The following WDR27 variants were observed in gnomAD, a reference collection of about 807,000 sequenced individuals.
WDR27 encodes the protein WD repeat-containing protein 27.
A neutral mutation model predicts 114.4 loss-of-function variants in WDR27; 100 were observed. That is an observed-to-expected ratio of 0.87 (90% CI 0.74 to 1.03). The LOEUF (loss-of-function observed/expected upper bound fraction) is 1.03. Ranked by LOEUF, WDR27 falls within the 50% of genes least tolerant of loss-of-function variation. The pLI is 0.00. For missense variants in WDR27, 1,129 were observed against 1,092.9 expected (o/e 1.03, Z -0.47); for synonymous variants, 449 against 423.1 (o/e 1.06, Z -0.75).
chr6:169,529,539 A>G (rs1311143598), intron 25 of WDR27, among the ~76,000 whole-genome samples: 1 of 152,214 alleles, frequency 6.6e-6, no homozygotes, highest in Non-Finnish European at 1.5e-5. Flanking sequence ...ATATTCTACA[A>G]AGACTCTACT....
At chr6:169,603,930 G>A (rs997056150) in intron 22 of WDR27, among the ~76,000 whole-genome samples, 2 of 152,134 alleles carry the variant, frequency 1.3e-5, no homozygotes, top group African/African-American at 4.8e-5. Flanking sequence ...ATAACACAAC[G>A]TAGTAAAGCC....
chr6:169,428,687 G>C, the WDR27 span, among the ~76,000 whole-genome samples: 2 of 152,190 alleles, frequency 1.3e-5, no homozygotes, highest in African/African-American at 4.8e-5. Flanking sequence ...AAAGGCAGCA[G>C]AGCCTGCAGT....
At chr6:169,645,036 T>TAAAAAA (rs369797685) in intron 16 of WDR27, among the ~76,000 whole-genome samples, 145 of 76,912 alleles carry the variant, frequency 1.9e-3, no homozygotes, top group Middle Eastern at 9.8e-3. Flanking sequence ...AAAAAAAAAA[T>TAAAAAA]AAAAAAAAAA....
intron 2 of WDR27, among the ~76,000 whole-genome samples, chr6:169,675,065 C>T (rs1392914471): frequency 6.6e-6 from 1 of 152,130 alleles, no homozygotes; most frequent in Non-Finnish European, 1.5e-5. Flanking sequence ...AAGGCAGGAA[C>T]CAGCCATCTG....
chr6:169,506,734 A>G (rs55850326), intron 25 of WDR27, among the ~76,000 whole-genome samples: 2,980 of 152,364 alleles, frequency 0.02, 91 homozygotes, highest in African/African-American at 0.063. Flanking sequence ...TACTGCAATC[A>G]AAGGTGAACA....
chr6:169,555,251 G>A (rs1798712012), intron 25 of WDR27, among the ~76,000 whole-genome samples: 1 of 152,186 alleles, frequency 6.6e-6, no homozygotes, highest in Non-Finnish European at 1.5e-5. Flanking sequence ...GGATGTCTCA[G>A]AGAGGACAAC....
At chr6:169,450,355 C>T in the WDR27 span, among the ~76,000 whole-genome samples, 1 of 152,328 alleles carries the variant, frequency 6.6e-6, no homozygotes, top group East Asian at 1.9e-4. Context: ...ACTGCTGCTT[C>T]CCAAGTGCCA....
chr6:169,438,726 A>C, the WDR27 span, among the ~76,000 whole-genome samples: 1 of 152,322 alleles, frequency 6.6e-6, no homozygotes, highest in African/African-American at 2.4e-5. Flanking sequence ...TCCCATAGGA[A>C]AGGCAGTCAT....
Position 169,565,513 on chromosome 6 carries a change from C to T in WDR27, c.2645+6906G>A, listed in dbSNP as rs527608809. On this transcript the variant is annotated intron_variant, in intron 25 of 25. Coordinates refer to ENST00000448612, the MANE Select transcript of WDR27 (RefSeq NM_182552.5). ...AATCTGTATTTCCCCGCTTGTCTTA[C>T]GCAGTGGAGAAACTGAGTGTCCCGT... Among the ~76,000 whole-genome samples the T allele has an allele frequency of 5.3e-5, 8 of 152,266 alleles. No individual in the cohort carries two copies. In the East Asian group the frequency reaches 1.4e-3, roughly 26 times the overall value.
intron 13 of WDR27, among the ~76,000 whole-genome samples, chr6:169,652,628 G>A (rs897396514): frequency 6.6e-6 from 1 of 152,228 alleles, no homozygotes; most frequent in Non-Finnish European, 1.5e-5. Flanking sequence ...GGTAAGTGTT[G>A]TAAGTAGAGG....
In WDR27 at chr6:169,646,439, A is replaced by G. The variant is rs1820761097; in HGVS notation, c.1657+1334T>C. Among the ~76,000 whole-genome samples, 3 of 152,326 alleles carry G rather than the reference A, an allele frequency of 2.0e-5. No homozygotes were observed. The South Asian group carries it at 6.2e-4, about 32-fold the overall frequency. ...AAGCAGTTATGTTGAAACATTTTCC[A>G]AAAACAGGGTAGAAATAAATGATAG... On this transcript the variant is annotated intron_variant, in intron 16 of 25. Coordinates refer to ENST00000448612, the MANE Select transcript of WDR27 (RefSeq NM_182552.5).
chr6:169,571,170 T>C (rs1801349971), intron 25 of WDR27, among the ~76,000 whole-genome samples: 1 of 152,218 alleles, frequency 6.6e-6, no homozygotes, highest in African/African-American at 2.4e-5. Flanking sequence ...CATTTTTCCC[T>C]GGCAAAGCTA....
chr6:169,516,142 AC>A (rs1417577878), intron 25 of WDR27, among the ~76,000 whole-genome samples: 6 of 152,162 alleles, frequency 3.9e-5, no homozygotes, highest in Non-Finnish European at 8.8e-5. Flanking sequence ...TTTCTTCAGA[AC>A]TCTGAAAATT....
At chr6:169,476,600 C>T (rs567956337) in intron 25 of WDR27, among the ~76,000 whole-genome samples, 55 of 152,268 alleles carry the variant, frequency 3.6e-4, no homozygotes, top group African/African-American at 1.3e-3. Context: ...GCTTCGTCAC[C>T]CCCATGACCT....
chr6:169,440,332 A>C, the WDR27 span, among the ~76,000 whole-genome samples: 12 of 152,346 alleles, frequency 7.9e-5, no homozygotes, highest in South Asian at 2.1e-4. Flanking sequence ...AATTACTAAG[A>C]AGAGAAATAG....
At chr6:169,663,547 G>C (rs904296758) in intron 8 of WDR27, 2 of 152,530 alleles carry the variant, frequency 1.3e-5, no homozygotes, top group Admixed American at 1.3e-4. Context: ...GACAGTACAG[G>C]AGATAAAAAG....
At chr6:169,491,937 G>C (rs1272967147) in intron 25 of WDR27, among the ~76,000 whole-genome samples, 1 of 152,080 alleles carries the variant, frequency 6.6e-6, no homozygotes, top group Non-Finnish European at 1.5e-5. Context: ...AAAAAAATGA[G>C]AATATTCTTC....
chr6:169,691,260 A>G (rs1160982554), intron 1 of WDR27, among the ~76,000 whole-genome samples: 1 of 152,222 alleles, frequency 6.6e-6, no homozygotes, highest in Non-Finnish European at 1.5e-5. Flanking sequence ...TAATTTTTAA[A>G]GGCTTGAAAA....
intron 24 of WDR27, among the ~76,000 whole-genome samples, chr6:169,577,022 A>C (rs902223823): frequency 3.3e-5 from 5 of 152,002 alleles, no homozygotes; most frequent in African/African-American, 1.2e-4. Context: ...TTTTATGTGA[A>C]TGTAAACTGG....
Sources: allele counts gnomAD v4.1 joint callset (sites outside exome capture counted in the v4.1 genomes callset), GRCh38; gene constraint gnomAD v4.1.1; transcripts MANE v1.5; gene names NCBI Gene and HGNC (gene_info 2026-07-23, HGNC 2026-07-21).